ANXA11: variants seen among roughly 807,000 people sequenced by gnomAD.
ANXA11 encodes the protein annexin A11, also known as 56 kDa autoantigen.
A neutral mutation model predicts 64.7 loss-of-function variants in ANXA11; 57 were observed. The observed-to-expected ratio is 0.88, with a 90% confidence interval of 0.71 to 1.10. ANXA11 has a LOEUF of 1.10. Ranked by LOEUF, ANXA11 falls within the 50% of genes least tolerant of loss-of-function variation. The pLI is 0.00. For missense variants in ANXA11, 675 were observed against 670.7 expected (o/e 1.01, Z -0.07); for synonymous variants, 260 against 265.2 (o/e 0.98, Z 0.19).
chr10:80,156,933 T>A, intron 15 of ANXA11: 1 of 951,562 alleles, frequency 1.1e-6, no homozygotes, highest in Non-Finnish European at 1.3e-6. Flanking sequence ...GTCCCCATGG[T>A]GCAATTGCAA....
chr10:80,191,265 T>C (rs1410166097), intron 1 of ANXA11, among the ~76,000 whole-genome samples: 1 of 151,906 alleles, frequency 6.6e-6, no homozygotes, highest in Non-Finnish European at 1.5e-5. Flanking sequence ...TAGCCAGGCA[T>C]GGTGGCACGT....
chr10:80,187,500 A>C (rs1261741012), intron 1 of ANXA11, among the ~76,000 whole-genome samples: 2 of 152,140 alleles, frequency 1.3e-5, no homozygotes, highest in African/African-American at 4.8e-5. Flanking sequence ...AGCAGCTTGA[A>C]CGGATTTAGA....
intron 4 of ANXA11, among the ~76,000 whole-genome samples, chr10:80,169,597 C>T (rs147723765): frequency 1.4e-4 from 21 of 152,278 alleles, no homozygotes; most frequent in South Asian, 4.1e-4. Flanking sequence ...AGGGGAGATG[C>T]CTTCCCTCTC....
intron 1 of ANXA11, among the ~76,000 whole-genome samples, chr10:80,204,145 A>C (rs548643556): frequency 6.6e-6 from 1 of 152,354 alleles, no homozygotes; most frequent in Non-Finnish European, 1.5e-5. Context: ...AAACCAAAGC[A>C]CAGACAATAG....
chr10:80,188,607 G>A (rs535166739), intron 1 of ANXA11, among the ~76,000 whole-genome samples: 1 of 150,782 alleles, frequency 6.6e-6, no homozygotes, highest in Non-Finnish European at 1.5e-5. Context: ...GGTTCCTAAC[G>A]CAACTGCTTG....
intron 12 of ANXA11, among the ~76,000 whole-genome samples, chr10:80,161,691 G>A (rs572163542): frequency 2.1e-4 from 32 of 152,336 alleles, no homozygotes; most frequent in Non-Finnish European, 4.0e-4. Flanking sequence ...CAACTCTGAC[G>A]TTCCACATTC....
chr10:80,163,113 G>A (rs891708636), intron 11 of ANXA11, among the ~76,000 whole-genome samples: 2 of 152,084 alleles, frequency 1.3e-5, no homozygotes, highest in Non-Finnish European at 2.9e-5. Context: ...ATCAACTATC[G>A]AAATACTAAT....
intron 1 of ANXA11, among the ~76,000 whole-genome samples, chr10:80,198,619 T>A (rs953715089): frequency 1.2e-4 from 18 of 152,194 alleles, no homozygotes; most frequent in South Asian, 4.1e-4. Context: ...TTATACATGC[T>A]CAAGTTTGAA....
intron 1 of ANXA11, among the ~76,000 whole-genome samples, chr10:80,202,147 T>G (rs561441876): frequency 6.7e-6 from 1 of 149,128 alleles, no homozygotes; most frequent in African/African-American, 2.5e-5. Context: ...CATCTTCTCA[T>G]CTGATTCTCC....
chr10:80,193,195 G>A (rs913478597), intron 1 of ANXA11, among the ~76,000 whole-genome samples: 2 of 152,122 alleles, frequency 1.3e-5, no homozygotes, highest in African/African-American at 4.8e-5. Context: ...TACTTGCACA[G>A]CATCGAACAA....
intron 5 of ANXA11, among the ~76,000 whole-genome samples, chr10:80,168,297 T>C (rs1269406663): frequency 6.6e-6 from 1 of 151,586 alleles, no homozygotes; most frequent in Admixed American, 6.6e-5. Context: ...AAGACAGCTG[T>C]TGAGCACAAA....
At chr10:80,188,001 T>C (rs2819947) in intron 1 of ANXA11, among the ~76,000 whole-genome samples, 92,429 of 151,832 alleles carry the variant, frequency 0.61, 28,733 homozygotes, top group African/African-American at 0.72. Context: ...CTCTAAACCC[T>C]TCCCTCATTT....
chr10:80,170,556 A>AC lies in ANXA11; in HGVS notation c.171+243dup, dbSNP rs1296493565. ...CCCTAACCCCTCAGGGCTGAAAGGG[A>AC]CCTGTGAGATCATCTGGTCCCCTTC... is the stretch of plus-strand genomic sequence containing the variant. On this transcript the variant is annotated intron_variant, in intron 4 of 15. Coordinates refer to ENST00000422982, the MANE Select transcript of ANXA11 (RefSeq NM_145868.2). 3.3e-5 allele frequency among the ~76,000 whole-genome samples: 5 copies of AC among 152,168 alleles called. No homozygotes were observed. In the East Asian group the frequency reaches 9.6e-4, roughly 29 times the overall value.
At chr10:80,164,020 G>A (rs371703442) in intron 9 of ANXA11, 33 bp downstream of exon 9, 37 of 1,568,864 alleles carry the variant, frequency 2.4e-5, no homozygotes, top group African/African-American at 5.4e-5. Context: ...TCTGCAGAGG[G>A]CAGAGGGCAG....
Position 80,170,785 on chromosome 10 carries a change from G to T in ANXA11, c.171+15C>A. 6.9e-7 allele frequency: 1 copy of T among 1,454,934 alleles called. No homozygotes were observed. Among genetic ancestry groups the T allele is most frequent in the Non-Finnish European group, 9.1e-7 (1 of 1,102,104 alleles). The allele number at this position is 1,454,934 out of a possible 1,614,324, so 90.1% of individuals were successfully genotyped here. On this transcript the variant is annotated intron_variant, in intron 4 of 15. Coordinates refer to ENST00000422982, the MANE Select transcript of ANXA11 (RefSeq NM_145868.2). ...TGTGGCCCCAGGGCTGCCTCAGCAG[G>T]AGAGCTGGACTCACCATTCCCGAGA...
chr10:80,161,944 G>C lies in ANXA11; in HGVS notation c.1171C>G (p.Leu391Val). Residue 391 changes from leucine (L) to valine (V), a missense_variant, in exon 12 of 16, where the codon CTG (leucine) becomes GTG (valine). Physicochemically the swap from Leu to Val is conservative, Grantham distance 32. Coordinates refer to ENST00000422982, the MANE Select transcript of ANXA11 (RefSeq NM_145868.2). Reference protein sequence around the residue: ...AVLCSRSRAHLVAVFNEYQRM... With the variant: ...AVLCSRSRAHVVAVFNEYQRM... ...CCCCAGCCTGCCTTACCTGCTACCA[G>C]GTGGGCCCGGCTCCGGGAGCACAGA... 6.2e-7 allele frequency: 1 copy of C among 1,611,812 alleles called. No homozygotes were observed. Among genetic ancestry groups the C allele is most frequent in the Non-Finnish European group, 8.5e-7 (1 of 1,179,322 alleles).
chr10:80,155,634 T>C lies in ANXA11; in HGVS notation c.*219A>G, dbSNP rs1845244170. Reference sequence around the variant, plus strand: ...AACATCTATTTTAGCAGCAAGAGGCTGTGAGGGATGGGGTAGAAAAGGCAT... The same window carrying C: ...AACATCTATTTTAGCAGCAAGAGGCCGTGAGGGATGGGGTAGAAAAGGCAT... On this transcript the variant is annotated 3_prime_UTR_variant, in exon 16 of 16. Coordinates refer to ENST00000422982, the MANE Select transcript of ANXA11 (RefSeq NM_145868.2). The C allele has an allele frequency of 3.8e-6, 2 of 533,326 alleles. No homozygotes were observed. Among genetic ancestry groups the C allele is most frequent in the Non-Finnish European group, 6.6e-6 (2 of 301,656 alleles). The allele number at this position is 533,326 out of a possible 1,614,324, so 33.0% of individuals were successfully genotyped here.
intron 1 of ANXA11, among the ~76,000 whole-genome samples, chr10:80,203,153 T>C (rs760923053): frequency 6.6e-6 from 1 of 151,746 alleles, no homozygotes; most frequent in African/African-American, 2.4e-5. Flanking sequence ...GCATTCAGCA[T>C]GCATTTTGGT....
At chr10:80,180,741 A>C (rs1199449670) in intron 1 of ANXA11, among the ~76,000 whole-genome samples, 2 of 152,232 alleles carry the variant, frequency 1.3e-5, no homozygotes, top group Non-Finnish European at 2.9e-5. Context: ...TGTATCCATA[A>C]AATTTAAATA....
Sources: allele counts gnomAD v4.1 joint callset (sites outside exome capture counted in the v4.1 genomes callset), GRCh38; gene constraint gnomAD v4.1.1; transcripts MANE v1.5; gene names NCBI Gene and HGNC (gene_info 2026-07-23, HGNC 2026-07-21).